MTTP: variants seen among roughly 807,000 people sequenced by gnomAD.
MTTP encodes microsomal triglyceride transfer protein large subunit.
MTTP carries 49 observed loss-of-function variants against 90.6 expected under a neutral mutation model. That is an observed-to-expected ratio of 0.54 (90% CI 0.43 to 0.69). The LOEUF (loss-of-function observed/expected upper bound fraction) is 0.69. Among genes scored for constraint, MTTP ranks in the 30% least tolerant of loss-of-function variants. The pLI is 0.00. For synonymous variants in MTTP, 347 were observed against 384.2 expected, an observed-to-expected ratio of 0.90 and a Z score of 1.13; for missense variants, 945 against 1,067.5, an observed-to-expected ratio of 0.89 and a Z score of 1.60.
At chr4:99,603,730 G>A (rs537577941) in intron 10 of MTTP, among the ~76,000 whole-genome samples, 14 of 152,040 alleles carry the variant, frequency 9.2e-5, no homozygotes, top group Non-Finnish European at 1.9e-4. Flanking sequence ...AATCCTTTGG[G>A]TCACCAGGCT....
chr4:99,611,548 T>C (rs1725957955), intron 14 of MTTP, 95 bp downstream of exon 14: 2 of 1,496,448 alleles, frequency 1.3e-6, no homozygotes, highest in Middle Eastern at 2.2e-4. Flanking sequence ...TGCTATAGAA[T>C]GTATAAGTTA....
chr4:99,567,124 A>G (rs1293958837), intron 1 of MTTP, among the ~76,000 whole-genome samples: 1 of 152,222 alleles, frequency 6.6e-6, no homozygotes, highest in Non-Finnish European at 1.5e-5. Flanking sequence ...ATACAGAAAA[A>G]AAACTTTAAA....
At position 99,576,744 on chromosome 4, in the gene MTTP, A is replaced by G. The variant is rs1198382975; in HGVS notation, c.61+1774A>G. Among the ~76,000 whole-genome samples the G allele has an allele frequency of 1.4e-4, 21 of 152,060 alleles. 1 individual carries two copies. The highest frequency in any genetic ancestry group is 4.4e-5 in the Non-Finnish European group (3 of 67,966). On this transcript the variant is annotated intron_variant, in intron 1 of 17. Transcript: ENST00000265517. Reference sequence around the variant, plus strand: ...TTTAAATATACACATACACTAGACAATGGCATAATTGGGAAATGGCATAAA... The same window carrying G: ...TTTAAATATACACATACACTAGACAGTGGCATAATTGGGAAATGGCATAAA...
At chr4:99,619,189 C>A in intron 16 of MTTP, 91 bp downstream of exon 16, 1 of 1,220,984 alleles carries the variant, frequency 8.2e-7, no homozygotes, top group Non-Finnish European at 1.2e-6. Context: ...AATCTTCTGA[C>A]TTTTCAAAAT....
chr4:99,574,565 T>A, upstream of MTTP: 1 of 421,460 alleles, frequency 2.4e-6, no homozygotes. Context: ...ACCACCAGTT[T>A]TTTTCTTTGA....
At chr4:99,564,151 A>AGTGGGAG in exon 1 of MTTP, 1 of 1,535,470 alleles carries the variant, frequency 6.5e-7, no homozygotes, top group Non-Finnish European at 8.7e-7. Flanking sequence ...GTGTTTTGGG[A>AGTGGGAG]GTGGGAGGTA....
rs779089832 is a variant in MTTP at position 99,622,885 on chromosome 4, C to T, written c.*37C>T. 63 of 1,594,144 alleles carry T rather than the reference C, an allele frequency of 4.0e-5. No homozygotes were observed. Among genetic ancestry groups the T allele is most frequent in the Non-Finnish European group, 4.9e-5 (57 of 1,162,186 alleles). ...GATATTTTACTTGAATTTGTCTCCC[C>T]GAAAGGGACACAATGTGGCATGACT... On this transcript the variant is annotated 3_prime_UTR_variant, in exon 18 of 18. Coordinates refer to ENST00000265517, the MANE Select transcript of MTTP (RefSeq NM_001386140.1).
intron 12 of MTTP, among the ~76,000 whole-genome samples, chr4:99,609,269 C>A (rs913677187): frequency 6.6e-6 from 1 of 152,150 alleles, no homozygotes; most frequent in Middle Eastern, 3.2e-3. Context: ...GCATTTTCAA[C>A]AGGATTTTAA....
intron 1 of MTTP, among the ~76,000 whole-genome samples, chr4:99,565,047 C>T (rs886531330): frequency 9.2e-5 from 14 of 152,110 alleles, no homozygotes; most frequent in African/African-American, 3.4e-4. Flanking sequence ...AAGTCTGGAT[C>T]CACTTCTGAT....
chr4:99,575,380 C>G (rs1312011935), intron 1 of MTTP, among the ~76,000 whole-genome samples: 1 of 151,980 alleles, frequency 6.6e-6, no homozygotes, highest in African/African-American at 2.4e-5. Context: ...CTTTTAGTTG[C>G]TTAGCAATGT....
At chr4:99,565,628 A>G (rs1167043536) in intron 1 of MTTP, among the ~76,000 whole-genome samples, 1 of 152,214 alleles carries the variant, frequency 6.6e-6, no homozygotes, top group Non-Finnish European at 1.5e-5. Flanking sequence ...TGCTTAAGGA[A>G]TCCTTAATCT....
chr4:99,611,105 A>G, intron 12 of MTTP, 38 bp from the exon 13 acceptor site: 1 of 1,585,502 alleles, frequency 6.3e-7, no homozygotes, highest in Non-Finnish European at 8.7e-7. Context: ...CAGTCATTAC[A>G]ATGAATGTGC....
intron 16 of MTTP, 28 bp from the exon 17 acceptor site, chr4:99,621,033 G>GT (rs1560628005): frequency 1.2e-6 from 2 of 1,608,502 alleles, no homozygotes; most frequent in Non-Finnish European, 1.7e-6. Flanking sequence ...ATATGAACAA[G>GT]TTTTTTCTTT....
intron 1 of MTTP, among the ~76,000 whole-genome samples, chr4:99,576,099 A>G (rs1724950618): frequency 6.6e-6 from 1 of 152,216 alleles, no homozygotes; most frequent in Non-Finnish European, 1.5e-5. Context: ...TATTTTCACC[A>G]ATTTCTAAAT....
chr4:99,576,233 A>G (rs962667108), intron 1 of MTTP, among the ~76,000 whole-genome samples: 8 of 152,214 alleles, frequency 5.3e-5, no homozygotes, highest in African/African-American at 1.9e-4. Flanking sequence ...CTGCCAAATA[A>G]ACTGTTGAGT....
chr4:99,621,185 C>CCATT lies in MTTP; in HGVS notation c.2469_2472dup (p.Leu825IlefsTer11), dbSNP rs1726221197. The CCATT allele has an allele frequency of 6.2e-6, 10 of 1,613,988 alleles. No individual in the cohort carries two copies. Among genetic ancestry groups the CCATT allele is most frequent in the Non-Finnish European group, 8.5e-6 (10 of 1,179,954 alleles). On this transcript the variant is annotated frameshift_variant, in exon 17 of 18. Transcript: ENST00000265517. LOFTEE classifies it high-confidence loss of function. ...CTCCACAGTGCAGTTTTCTCAGTAC[C>CCATT]CATTCTTAGTTTGCATGCAGATGGA...
At chr4:99,601,028 C>G (rs1354813443) in intron 9 of MTTP, among the ~76,000 whole-genome samples, 2 of 152,082 alleles carry the variant, frequency 1.3e-5, no homozygotes, top group African/African-American at 2.4e-5. Flanking sequence ...AGAAATCTAG[C>G]TTATGCTTCA....
chr4:99,584,659 T>A (rs1445101083), intron 3 of MTTP, among the ~76,000 whole-genome samples: 5 of 152,122 alleles, frequency 3.3e-5, no homozygotes, highest in Non-Finnish European at 7.4e-5. Flanking sequence ...GCCATTTCTG[T>A]CATAAAGTTC....
At chr4:99,600,279 A>G (rs1252849046) in intron 8 of MTTP, among the ~76,000 whole-genome samples, 3 of 152,178 alleles carry the variant, frequency 2.0e-5, no homozygotes, top group African/African-American at 7.2e-5. Context: ...ATTTTTACTT[A>G]CAAATCGCCA....
Sources: allele counts gnomAD v4.1 joint callset (sites outside exome capture counted in the v4.1 genomes callset), GRCh38; gene constraint gnomAD v4.1.1; transcripts MANE v1.5; gene names NCBI Gene and HGNC (gene_info 2026-07-23, HGNC 2026-07-21).